Variants in SLC38A9 observed in about 807,000 individuals in gnomAD.
The protein encoded by SLC38A9 is solute carrier family 38 member 9.
In SLC38A9, 48 loss-of-function variants were observed where a neutral mutation model predicts 62.3. The observed-to-expected ratio is 0.77, with a 90% CI of 0.61 to 0.98. The LOEUF (loss-of-function observed/expected upper bound fraction) is 0.98. Ranked by LOEUF, SLC38A9 falls within the 50% of genes least tolerant of loss-of-function variation. The probability of loss-of-function intolerance (pLI) is 0.00; values close to 1 mark genes in which losing one functional copy is unlikely to be tolerated. For missense variants in SLC38A9, 541 were observed against 679.8 expected, an observed-to-expected ratio of 0.80 and a Z score of 2.27; for synonymous variants, 204 against 227.7, an observed-to-expected ratio of 0.90 and a Z score of 0.94.
rs1756132676 is a variant in SLC38A9, at chr5:55,697,905, A to G, written c.54T>C (p.His18=). The G allele has an allele frequency of 1.9e-6, 3 of 1,604,748 alleles. No individual in the cohort carries two copies. The highest frequency in any genetic ancestry group is 1.3e-5 in the African/African-American group (1 of 74,516). ...SRHLGTSEVD[H]ERDPGPMNIQ... is the part of the protein sequence containing the mutation. The stretch of plus-strand genomic sequence containing the variant: ...TATTCATAGGTCCAGGATCTCTTTC[A>G]TGATCTACCTCAGAGGTGCCAAGAT... The change falls in exon 3 of 16, where the codon CAT becomes CAC. Residue 18 remains histidine (H), a synonymous_variant. Coordinates refer to ENST00000396865, the MANE Select transcript of SLC38A9 (RefSeq NM_173514.4).
intron 2 of SLC38A9, among the ~76,000 whole-genome samples, chr5:55,701,500 T>C (rs1337399793): frequency 6.6e-6 from 1 of 152,202 alleles, no homozygotes; most frequent in East Asian, 1.9e-4. Context: ...CCTTCAAATA[T>C]ATCCAGAATC....
intron 2 of SLC38A9, among the ~76,000 whole-genome samples, chr5:55,704,928 C>T (rs138492363): frequency 2.0e-5 from 3 of 152,172 alleles, no homozygotes; most frequent in Non-Finnish European, 4.4e-5. Context: ...TACAGGGTTT[C>T]GGATTAAAAT....
chr5:55,696,546 A>C (rs868478311), intron 3 of SLC38A9: 2 of 30,686 alleles, frequency 6.5e-5, no homozygotes, highest in East Asian at 1.9e-3. Flanking sequence ...CCTCCCTCCC[A>C]GACGGGGCGG....
At chr5:55,640,157 T>C (rs1580112975) in intron 12 of SLC38A9, among the ~76,000 whole-genome samples, 1 of 152,154 alleles carries the variant, frequency 6.6e-6, no homozygotes, top group Middle Eastern at 3.4e-3. Context: ...GGCTAATTTC[T>C]GTATTTTTAG....
At chr5:55,638,976 T>C (rs1363594867) in intron 12 of SLC38A9, among the ~76,000 whole-genome samples, 1 of 152,202 alleles carries the variant, frequency 6.6e-6, no homozygotes, top group African/African-American at 2.4e-5. Context: ...ACTAGTTGGA[T>C]GGTCTTCAGC....
At chr5:55,706,799 T>A (rs564036623) in intron 2 of SLC38A9, among the ~76,000 whole-genome samples, 1 of 152,116 alleles carries the variant, frequency 6.6e-6, no homozygotes, top group Non-Finnish European at 1.5e-5. Context: ...TGTCCCCTCC[T>A]TTTTTCCCCA....
chr5:55,708,599 T>C (rs1437073100), intron 2 of SLC38A9, among the ~76,000 whole-genome samples: 2 of 152,230 alleles, frequency 1.3e-5, no homozygotes, highest in Non-Finnish European at 2.9e-5. Context: ...TAAATGTGAC[T>C]ATGGACCCAC....
At chr5:55,648,374 C>CT (rs1196178418) in intron 11 of SLC38A9, among the ~76,000 whole-genome samples, 1 of 152,092 alleles carries the variant, frequency 6.6e-6, no homozygotes, top group Non-Finnish European at 1.5e-5. Flanking sequence ...GGAAAATACA[C>CT]TTTTTTAAAG....
chr5:55,687,017 A>C (rs1411847730), intron 3 of SLC38A9, among the ~76,000 whole-genome samples: 1 of 140,898 alleles, frequency 7.1e-6, no homozygotes, highest in East Asian at 2.0e-4. Flanking sequence ...TGGTTACTGT[A>C]CTCCTGTAAT....
chr5:55,680,211 ATAT>A (rs1561400477), intron 3 of SLC38A9, among the ~76,000 whole-genome samples: 1 of 70,830 alleles, frequency 1.4e-5, no homozygotes, highest in Non-Finnish European at 3.7e-5. Flanking sequence ...TTCAGTGTAT[ATAT>A]CTATATATAT....
chr5:55,695,989 CA>C, intron 3 of SLC38A9: 1 of 89,364 alleles, frequency 1.1e-5, no homozygotes, highest in Non-Finnish European at 2.7e-5. Context: ...AGGCGCCCCT[CA>C]CCTCCCGGAC....
In SLC38A9 at chr5:55,626,468, C is replaced by G; in HGVS notation, c.*26G>C. ...GTCAAGGCTCAAAATATCATGAGAG[C>G]TCTTGAAAAAAACAGTTGAGGTATT... On this transcript the variant is annotated 3_prime_UTR_variant, in exon 16 of 16. Coordinates refer to ENST00000396865, the MANE Select transcript of SLC38A9 (RefSeq NM_173514.4). The G allele has an allele frequency of 1.3e-6, 2 of 1,587,288 alleles. No individual in the cohort carries two copies. Among genetic ancestry groups the G allele is most frequent in the Non-Finnish European group, 8.6e-7 (1 of 1,162,926 alleles).
At chr5:55,674,285 A>T (rs889904518) in intron 3 of SLC38A9, among the ~76,000 whole-genome samples, 1 of 152,210 alleles carries the variant, frequency 6.6e-6, no homozygotes, top group East Asian at 1.9e-4. Context: ...GATCAATATG[A>T]CATATTATAT....
chr5:55,651,406 C>T (rs765770390), intron 10 of SLC38A9, among the ~76,000 whole-genome samples: 20 of 151,838 alleles, frequency 1.3e-4, no homozygotes, highest in South Asian at 6.3e-4. Context: ...CCAGCCACCA[C>T]GCCCGGCTAA....
At chr5:55,690,547 T>C (rs28645537) in intron 3 of SLC38A9, among the ~76,000 whole-genome samples, 5,579 of 152,260 alleles carry the variant, frequency 0.037, 138 homozygotes, top group African/African-American at 0.07. Flanking sequence ...TTAACACTGA[T>C]GTCAAGTTCC....
intron 8 of SLC38A9, among the ~76,000 whole-genome samples, chr5:55,661,195 A>G (rs1163090353): frequency 6.6e-6 from 1 of 152,128 alleles, no homozygotes; most frequent in East Asian, 1.9e-4. Context: ...CTGTAATCCC[A>G]GCACTTTGGG....
chr5:55,680,264 A>G (rs1752810827), intron 3 of SLC38A9, among the ~76,000 whole-genome samples: 1 of 152,244 alleles, frequency 6.6e-6, no homozygotes, highest in African/African-American at 2.4e-5. Flanking sequence ...AATACTGTAC[A>G]TAGATGTGAT....
chr5:55,708,867 G>GA (rs909229117), intron 2 of SLC38A9, among the ~76,000 whole-genome samples: 5 of 152,042 alleles, frequency 3.3e-5, no homozygotes, highest in African/African-American at 1.2e-4. Flanking sequence ...AGAACTTTAT[G>GA]AAAAAAATAT....
chr5:55,657,260 T>C (rs538836564), intron 8 of SLC38A9, among the ~76,000 whole-genome samples: 6 of 152,226 alleles, frequency 3.9e-5, no homozygotes, highest in Non-Finnish European at 7.3e-5. Context: ...ATAATGTTAG[T>C]GTCTTCACAG....
Sources: allele counts gnomAD v4.1 joint callset (sites outside exome capture counted in the v4.1 genomes callset), GRCh38; gene constraint gnomAD v4.1.1; transcripts MANE v1.5; gene names NCBI Gene and HGNC (gene_info 2026-07-23, HGNC 2026-07-21).